The following MACROD2 variants were observed in gnomAD, a reference collection of about 807,000 sequenced individuals.
MACROD2 encodes ADP-ribose glycohydrolase MACROD2.
A neutral mutation model predicts 70.4 loss-of-function variants in MACROD2; 36 were observed. The ratio of observed to expected loss-of-function variants is 0.51; its 90% confidence interval spans 0.39 to 0.68. The LOEUF is 0.68. Among genes scored for constraint, MACROD2 ranks in the 30% least tolerant of loss-of-function variants. The pLI is 0.00. For synonymous variants in MACROD2, 172 were observed against 178.8 expected, an observed-to-expected ratio of 0.96 and a Z score of 0.30; for missense variants, 496 against 538.4, an observed-to-expected ratio of 0.92 and a Z score of 0.78.
intron 3 of MACROD2, among the ~76,000 whole-genome samples, chr20:14,176,969 G>T (rs189095356): frequency 6.6e-6 from 1 of 152,270 alleles, no homozygotes; most frequent in African/African-American, 2.4e-5. Context: ...TTAGTTTAGT[G>T]AGAAATATGC....
intron 6 of MACROD2, among the ~76,000 whole-genome samples, chr20:15,313,086 G>T (rs924807742): frequency 6.6e-6 from 1 of 152,014 alleles, no homozygotes; most frequent in African/African-American, 2.4e-5. Context: ...TCTCAGTTAA[G>T]ATCAGAAAAA....
intron 3 of MACROD2, among the ~76,000 whole-genome samples, chr20:14,491,365 G>A (rs904697492): frequency 6.6e-6 from 1 of 152,042 alleles, no homozygotes; most frequent in Non-Finnish European, 1.5e-5. Flanking sequence ...TATAGTTATC[G>A]GAACGTTTTT....
chr20:15,436,029 A>C (rs776955019), intron 7 of MACROD2, among the ~76,000 whole-genome samples: 40 of 152,042 alleles, frequency 2.6e-4, no homozygotes, highest in Non-Finnish European at 4.7e-4. Flanking sequence ...GTCGCATGCC[A>C]TATTGCTTTT....
At chr20:15,025,994 T>G (rs1002180444) in intron 5 of MACROD2, among the ~76,000 whole-genome samples, 3 of 152,216 alleles carry the variant, frequency 2.0e-5, no homozygotes, top group Admixed American at 2.0e-4. Flanking sequence ...TCTATGTTCC[T>G]CTGTTATAAG....
intron 8 of MACROD2, among the ~76,000 whole-genome samples, chr20:15,787,722 T>C (rs2051953485): frequency 6.6e-6 from 1 of 152,194 alleles, no homozygotes; most frequent in Non-Finnish European, 1.5e-5. Context: ...ATCTTCTTTT[T>C]TAAAAAATTT....
At chr20:14,899,703 CTT>C (rs1322865713) in intron 5 of MACROD2, among the ~76,000 whole-genome samples, 12 of 152,070 alleles carry the variant, frequency 7.9e-5, no homozygotes, top group Non-Finnish European at 1.5e-4. Flanking sequence ...TTCAACATAT[CTT>C]TTTTAGGGGG....
chr20:15,679,297 A>G (rs913573844), intron 8 of MACROD2, among the ~76,000 whole-genome samples: 19 of 151,484 alleles, frequency 1.3e-4, no homozygotes, highest in Non-Finnish European at 2.2e-4. Context: ...TCCACATGCC[A>G]CTGAGCAGGG....
intron 3 of MACROD2, among the ~76,000 whole-genome samples, chr20:14,106,259 A>G (rs866534912): frequency 5.8e-4 from 89 of 152,260 alleles, no homozygotes; most frequent in African/African-American, 2.0e-3. Flanking sequence ...TGGTAGCCTG[A>G]CAGAACCCCA....
At chr20:14,136,397 C>T (rs992040310) in intron 3 of MACROD2, among the ~76,000 whole-genome samples, 1 of 152,096 alleles carries the variant, frequency 6.6e-6, no homozygotes, top group Non-Finnish European at 1.5e-5. Flanking sequence ...AAATTCCAGA[C>T]TTGCACTTGA....
chr20:14,080,449 A>AAG (rs2053975701), intron 2 of MACROD2, among the ~76,000 whole-genome samples: 1 of 151,102 alleles, frequency 6.6e-6, no homozygotes, highest in African/African-American at 2.4e-5. Flanking sequence ...TCTCAAAAAA[A>AAG]AAAAAAAAAA....
chr20:14,199,774 T>C (rs2081463549), intron 3 of MACROD2, among the ~76,000 whole-genome samples: 1 of 152,174 alleles, frequency 6.6e-6, no homozygotes, highest in African/African-American at 2.4e-5. Flanking sequence ...ATTATTTTAG[T>C]CTTTATAACA....
chr20:15,752,207 T>G (rs1206098447), intron 8 of MACROD2, among the ~76,000 whole-genome samples: 1 of 152,092 alleles, frequency 6.6e-6, no homozygotes, highest in Non-Finnish European at 1.5e-5. Context: ...CAAAGCTGCT[T>G]AGGTTATAGG....
chr20:15,887,199 C>G (rs1045623267), intron 10 of MACROD2, among the ~76,000 whole-genome samples: 1 of 152,098 alleles, frequency 6.6e-6, no homozygotes. Context: ...ATATCTCTCT[C>G]CCTCCCCGGA....
At chr20:14,226,736 C>T (rs1335941499) in intron 3 of MACROD2, among the ~76,000 whole-genome samples, 1 of 152,230 alleles carries the variant, frequency 6.6e-6, no homozygotes, top group Non-Finnish European at 1.5e-5. Flanking sequence ...GCCTTAGCTG[C>T]CTTCCCGCGG....
chr20:15,293,080 A>C (rs943639444), intron 6 of MACROD2, among the ~76,000 whole-genome samples: 8 of 152,202 alleles, frequency 5.3e-5, no homozygotes, highest in Admixed American at 2.0e-4. Context: ...AAGTACTGCT[A>C]TGAGATTCTT....
intron 5 of MACROD2, among the ~76,000 whole-genome samples, chr20:15,158,864 A>G (rs2076327673): frequency 6.6e-6 from 1 of 152,160 alleles, no homozygotes; most frequent in East Asian, 1.9e-4. Context: ...CAGTTACAGG[A>G]TGACAAGGAG....
chr20:14,828,571 A>G (rs915113966), intron 5 of MACROD2, among the ~76,000 whole-genome samples: 2 of 152,088 alleles, frequency 1.3e-5, no homozygotes, highest in African/African-American at 4.8e-5. Flanking sequence ...GGAATGTACC[A>G]TGCAATGGGT....
At chr20:14,747,110 G>C (rs2071809315) in intron 5 of MACROD2, among the ~76,000 whole-genome samples, 1 of 152,156 alleles carries the variant, frequency 6.6e-6, no homozygotes, top group African/African-American at 2.4e-5. Flanking sequence ...GAATAGCAGT[G>C]CCTATAAAGG....
chr20:15,491,198 T>C (rs1568845300), intron 7 of MACROD2, among the ~76,000 whole-genome samples: 1 of 152,198 alleles, frequency 6.6e-6, no homozygotes, highest in African/African-American at 2.4e-5. Flanking sequence ...CTGGACTAGA[T>C]GACCTTTATA....
Sources: allele counts gnomAD v4.1 joint callset (sites outside exome capture counted in the v4.1 genomes callset), GRCh38; gene constraint gnomAD v4.1.1; transcripts MANE v1.5; gene names NCBI Gene and HGNC (gene_info 2026-07-23, HGNC 2026-07-21).